SPAG16: variants seen among roughly 807,000 people sequenced by gnomAD.
SPAG16 encodes the protein sperm associated antigen 16.
In SPAG16, 86 loss-of-function variants were observed where a neutral mutation model predicts 80.4. The ratio of observed to expected loss-of-function variants is 1.07; its 90% confidence interval spans 0.90 to 1.28. The LOEUF is 1.28. Ranked by LOEUF, SPAG16 falls within the 50% of genes most tolerant of loss-of-function variation. The pLI is 0.00. For synonymous variants in SPAG16, 294 were observed against 265.9 expected (o/e 1.11, Z -1.03); for missense variants, 870 against 765.3 (o/e 1.14, Z -1.61).
intron 14 of SPAG16, among the ~76,000 whole-genome samples, chr2:214,145,398 C>A (rs530783123): frequency 6.6e-6 from 1 of 152,096 alleles, no homozygotes; most frequent in African/African-American, 2.4e-5. Context: ...TTGGTTTTTT[C>A]ATAATACATT....
At chr2:213,909,016 C>T (rs1575521997) in intron 11 of SPAG16, among the ~76,000 whole-genome samples, 1 of 150,646 alleles carries the variant, frequency 6.6e-6, no homozygotes, top group Non-Finnish European at 1.5e-5. Flanking sequence ...TGAGTGAGAA[C>T]ATGCGGTGTT....
chr2:213,692,660 A>C (rs2064991078), intron 10 of SPAG16, among the ~76,000 whole-genome samples: 1 of 152,048 alleles, frequency 6.6e-6, no homozygotes, highest in African/African-American at 2.4e-5. Context: ...AATACAAAAA[A>C]TTAGCCCGCC....
chr2:213,528,726 G>T (rs373930873), intron 10 of SPAG16, among the ~76,000 whole-genome samples: 7 of 152,028 alleles, frequency 4.6e-5, no homozygotes, highest in African/African-American at 1.7e-4. Context: ...GGGCCACACT[G>T]GAAGAAGAAT....
intron 15 of SPAG16, among the ~76,000 whole-genome samples, chr2:214,340,997 G>A (rs1213040623): frequency 6.6e-6 from 1 of 152,136 alleles, no homozygotes; most frequent in Non-Finnish European, 1.5e-5. Context: ...GTTCCTGGAG[G>A]ACACAGATCA....
intron 9 of SPAG16, among the ~76,000 whole-genome samples, chr2:213,408,734 A>G (rs1324404652): frequency 6.6e-6 from 1 of 152,252 alleles, no homozygotes; most frequent in Admixed American, 6.5e-5. Context: ...AAGCAGAGTT[A>G]GGAAAATTGC....
At chr2:213,338,909 C>T (rs138851043) in intron 5 of SPAG16, among the ~76,000 whole-genome samples, 1 of 151,954 alleles carries the variant, frequency 6.6e-6, no homozygotes, top group African/African-American at 2.4e-5. Flanking sequence ...GGAAAAATAG[C>T]GAACGTATGC....
At position 214,137,770 on chromosome 2, in the gene SPAG16, C is replaced by A. The variant is rs1295125769; in HGVS notation, c.1594-11370C>A. Among the ~76,000 whole-genome samples the A allele has an allele frequency of 2.0e-5, 3 of 149,734 alleles. No homozygotes were observed. In the East Asian group the frequency reaches 6.0e-4, roughly 30 times the overall value. ...TCATTTGTAAAATACAATTGTTGCACATAAAAAATAATCCTATAAATATTG... is the reference window on the plus strand; with the variant it reads ...TCATTTGTAAAATACAATTGTTGCAAATAAAAAATAATCCTATAAATATTG... On this transcript the variant is annotated intron_variant, in intron 14 of 15. Coordinates refer to ENST00000331683, the MANE Select transcript of SPAG16 (RefSeq NM_024532.5).
Position 213,374,990 on chromosome 2 carries a change from T to C in SPAG16, c.833-20T>C, listed in dbSNP as rs771279337. ...CGATAAACAGTGCAAATATTAAGAA[T>C]AAATTATATTATCTTGTAGTTGATC... On this transcript the variant is annotated intron_variant, in intron 8 of 15. Transcript: ENST00000331683. 6.5e-7 allele frequency: 1 copy of C among 1,529,724 alleles called. No homozygotes were observed. Among genetic ancestry groups the C allele is most frequent in the African/African-American group, 1.4e-5 (1 of 71,186 alleles). The allele number at this position is 1,529,724 out of a possible 1,614,324, so 94.8% of individuals were successfully genotyped here. A position where few individuals can be genotyped will look rare whatever the true frequency, so the allele number is the denominator to read the frequency against.
intron 10 of SPAG16, among the ~76,000 whole-genome samples, chr2:213,579,748 A>C (rs1477096502): frequency 3.3e-5 from 5 of 152,076 alleles, no homozygotes; most frequent in African/African-American, 1.2e-4. Context: ...TAACATGTTT[A>C]TTTTGTTAGC....
chr2:213,446,707 G>C (rs1047585995), intron 9 of SPAG16, among the ~76,000 whole-genome samples: 1 of 152,214 alleles, frequency 6.6e-6, no homozygotes, highest in Admixed American at 6.5e-5. Context: ...CTGGATGGAT[G>C]CTCCTGCGGA....
chr2:213,399,777 A>G (rs2068222323), intron 9 of SPAG16, among the ~76,000 whole-genome samples: 2 of 152,014 alleles, frequency 1.3e-5, no homozygotes, highest in African/African-American at 2.4e-5. Flanking sequence ...TGGAACTGTT[A>G]TATATTTATA....
intron 10 of SPAG16, among the ~76,000 whole-genome samples, chr2:213,746,862 C>T (rs2662671): frequency 0.92 from 140,789 of 152,252 alleles, 66,139 homozygotes; most frequent in East Asian, 1. Flanking sequence ...ATACGTAATA[C>T]CTGATAGTGA....
intron 15 of SPAG16, among the ~76,000 whole-genome samples, chr2:214,153,847 C>T (rs2056094157): frequency 6.6e-6 from 1 of 151,916 alleles, no homozygotes; most frequent in African/African-American, 2.4e-5. Context: ...TTTCCTGTTG[C>T]TGTAAAAAAT....
At chr2:213,720,839 G>A (rs1420890742) in intron 10 of SPAG16, among the ~76,000 whole-genome samples, 11 of 145,800 alleles carry the variant, frequency 7.5e-5, no homozygotes, top group Admixed American at 2.1e-4. Context: ...TCCGCCTCCC[G>A]GGTTCAAGCG....
At chr2:214,048,811 C>T (rs2049480914) in intron 13 of SPAG16, among the ~76,000 whole-genome samples, 1 of 151,970 alleles carries the variant, frequency 6.6e-6, no homozygotes, top group African/African-American at 2.4e-5. Flanking sequence ...TCATGTAACC[C>T]ATAAATATAT....
At chr2:213,513,461 G>A (rs1403162329) in intron 10 of SPAG16, among the ~76,000 whole-genome samples, 2 of 152,116 alleles carry the variant, frequency 1.3e-5, no homozygotes, top group Non-Finnish European at 2.9e-5. Flanking sequence ...CAATGGAGAT[G>A]TTCCTATTTC....
intron 9 of SPAG16, among the ~76,000 whole-genome samples, chr2:213,488,842 C>T (rs895803828): frequency 6.8e-6 from 1 of 148,040 alleles, no homozygotes; most frequent in Admixed American, 6.7e-5. Flanking sequence ...TTTGGGAGGC[C>T]AAGGCGGGAG....
At chr2:214,081,720 T>G (rs1261657639) in intron 13 of SPAG16, among the ~76,000 whole-genome samples, 2 of 152,206 alleles carry the variant, frequency 1.3e-5, no homozygotes, top group Non-Finnish European at 2.9e-5. Context: ...GATGTTTTGT[T>G]ATGACAGCCC....
chr2:213,501,904 C>CA (rs1308242500), intron 10 of SPAG16, among the ~76,000 whole-genome samples: 1 of 152,048 alleles, frequency 6.6e-6, no homozygotes, highest in Non-Finnish European at 1.5e-5. Context: ...AACAAGCCAA[C>CA]AAAAAATTCC....
Sources: gnomAD v4.1 joint callset for allele counts (sites outside exome capture counted in the v4.1 genomes callset) on GRCh38, gnomAD v4.1.1 for gene constraint, MANE v1.5 for transcripts, NCBI Gene and HGNC (gene_info 2026-07-23, HGNC 2026-07-21) for gene names.